Variants in THNSL2 observed in about 807,000 individuals in gnomAD.
THNSL2 encodes the protein threonine synthase like 2.
A neutral mutation model predicts 40.0 loss-of-function variants in THNSL2; 34 were observed. The ratio of observed to expected loss-of-function variants is 0.85; its 90% CI spans 0.65 to 1.13. The LOEUF is 1.13. Among genes scored for constraint, THNSL2 ranks in the 50% most tolerant of loss-of-function variants. The pLI is 0.00. For synonymous variants in THNSL2, 241 were observed against 247.5 expected, an observed-to-expected ratio of 0.97 and a Z score of 0.25; for missense variants, 537 against 608.8, an observed-to-expected ratio of 0.88 and a Z score of 1.24.
rs113997269 is a variant in THNSL2, at chr2:88,171,031, G to A, written c.-13+575G>A. On this transcript the variant is annotated intron_variant, in intron 1 of 8. Coordinates refer to ENST00000674334, the MANE Select transcript of THNSL2 (RefSeq NM_018271.5). ...CTTCTCTACTCTGGAATAGGGTCCA[G>A]AGGAGTGGCAAGGGAAAATTATTAG... 6.0e-3 allele frequency among the ~76,000 whole-genome samples: 917 copies of A among 152,278 alleles called. 3 individuals carry two copies. Among genetic ancestry groups the A allele is most frequent in the Non-Finnish European group, 0.01 (689 of 68,020 alleles).
intron 7 of THNSL2, 61 bp downstream of exon 7, chr2:88,183,134 G>A (rs1677883470): frequency 6.4e-7 from 1 of 1,574,150 alleles, no homozygotes; most frequent in East Asian, 2.3e-5. Flanking sequence ...GCAGACTTGG[G>A]GTTTGGAAGT....
chr2:88,176,351 A>G (rs1676936898), intron 4 of THNSL2: 1 of 152,202 alleles, frequency 6.6e-6, no homozygotes, highest in African/African-American at 2.4e-5. Flanking sequence ...ATAGGGATTG[A>G]GAGTGGAGAA....
rs530167692 is a variant in THNSL2 at position 88,185,431 on chromosome 2, C to T, written c.1181C>T (p.Ala394Val). The change falls in exon 8 of 9, where the codon GCG (alanine) becomes GTG (valine). Residue 394 changes from alanine to valine, a missense_variant. Ala to Val is a moderately conservative substitution (Grantham distance 64). Coordinates refer to ENST00000674334, the MANE Select transcript of THNSL2 (RefSeq NM_018271.5). Reference protein sequence around the residue: ...ENQYLLCPHSAVAVNYHYQQI... With the variant: ...ENQYLLCPHSVVAVNYHYQQI... ...CAGTACTTGCTGTGCCCCCACTCAG[C>T]GGTGGCCGTGAACTACCATTACCAG... 26 of 1,613,780 alleles carry T rather than the reference C, an allele frequency of 1.6e-5. No individual in the cohort carries two copies. The highest frequency in any genetic ancestry group is 8.9e-5 in the East Asian group (4 of 44,854).
At chr2:88,174,507 A>T in intron 2 of THNSL2, 132 bp from the exon 3 acceptor site, 7 of 862,908 alleles carry the variant, frequency 8.1e-6, no homozygotes, top group Non-Finnish European at 1.2e-5. Flanking sequence ...GTATTCAAAA[A>T]TGGTATCATT....
intron 2 of THNSL2, 97 bp downstream of exon 2, chr2:88,173,470 C>A: frequency 1.2e-6 from 1 of 837,802 alleles, no homozygotes; most frequent in Non-Finnish European, 1.6e-6. Flanking sequence ...AGTCTCTAGT[C>A]ACATTTCTTC....
chr2:88,184,349 G>A (rs76164292), intron 7 of THNSL2, among the ~76,000 whole-genome samples: 3,753 of 152,278 alleles, frequency 0.025, 157 homozygotes, highest in African/African-American at 0.086. Flanking sequence ...TGGCATTCAT[G>A]CATTCATGTT....
At chr2:88,179,453 G>C in intron 5 of THNSL2, among the ~76,000 whole-genome samples, 1 of 152,210 alleles carries the variant, frequency 6.6e-6, no homozygotes, top group East Asian at 1.9e-4. Flanking sequence ...CGTGTGAGGT[G>C]GAAAGAGTTC....
Position 88,174,646 on chromosome 2 carries a change from C to G in THNSL2, c.231C>G (p.Ile77Met). ...LLPKDELNDL[I>M]DRAFSRFRHR... is the part of the protein sequence containing the mutation. The stretch of plus-strand genomic sequence containing the variant: ...ACCCCACTACCCTCACAGATCTGAT[C>G]GACCGAGCCTTCAGCAGATTCCGTC... Residue 77 changes from isoleucine (I) to methionine (M), a missense_variant, in exon 3 of 9, where the codon ATC becomes ATG. Physicochemically the swap from Ile to Met is conservative, Grantham distance 10. Transcript: ENST00000674334. The G allele has an allele frequency of 6.2e-7, 1 of 1,613,872 alleles. No homozygotes were observed. The highest frequency in any genetic ancestry group is 1.3e-5 in the African/African-American group (1 of 75,038).
At chr2:88,173,513 A>G in intron 2 of THNSL2, 140 bp downstream of exon 2, 2 of 560,298 alleles carry the variant, frequency 3.6e-6, no homozygotes, top group Non-Finnish European at 5.5e-6. Flanking sequence ...TCCTGACTCT[A>G]GAATCCCAGA....
At position 88,175,326 on chromosome 2, in the gene THNSL2, C is replaced by G; in HGVS notation, c.496C>G (p.Pro166Ala). 1 of 1,614,194 alleles carries G rather than the reference C, an allele frequency of 6.2e-7. No homozygotes were observed. The highest frequency in any genetic ancestry group is 8.5e-7 in the Non-Finnish European group (1 of 1,180,036). The change falls in exon 4 of 9, where the codon CCC becomes GCC. Residue 166 changes from proline (P) to alanine (A), a missense_variant. Pro to Ala is a conservative substitution (Grantham distance 27). Coordinates refer to ENST00000674334, the MANE Select transcript of THNSL2 (RefSeq NM_018271.5). ...GAACATGGACATTATCGTTCTGCTG[C>G]CCAAAGGTCACTGCACAAAGATTCA... is the stretch of plus-strand genomic sequence containing the variant. The part of the protein sequence containing the change: ...AKNMDIIVLL[P>A]KGHCTKIQEL...
intron 1 of THNSL2, chr2:88,171,859 G>T (rs1175915015): frequency 6.6e-6 from 1 of 152,494 alleles, no homozygotes; most frequent in African/African-American, 2.4e-5. Flanking sequence ...AAGATTCATG[G>T]TTTGTATGAT....
intron 1 of THNSL2, 109 bp from the exon 2 acceptor site, chr2:88,173,030 G>A (rs771971961): frequency 3.7e-5 from 23 of 629,878 alleles, no homozygotes; most frequent in East Asian, 3.4e-4. Context: ...CATGTGCCCC[G>A]GAGACTGGTG....
rs749395611 is a variant in THNSL2 at position 88,179,027 on chromosome 2, G to C, written c.802+14G>C. 1.2e-6 allele frequency: 2 copies of C among 1,613,446 alleles called. No homozygotes were observed. The highest frequency in any genetic ancestry group is 2.2e-5 in the East Asian group (1 of 44,892). ...GTAACCTTGCAGGTAAGGAATCCCCGGGGCACAAATGGGCTTTCCAGAAAA... is the reference window on the plus strand; with the variant it reads ...GTAACCTTGCAGGTAAGGAATCCCCCGGGCACAAATGGGCTTTCCAGAAAA... On this transcript the variant is annotated intron_variant, in intron 5 of 8. Transcript: ENST00000674334.
intron 1 of THNSL2, chr2:88,172,836 C>A (rs1676505308): frequency 4.3e-6 from 1 of 233,310 alleles, no homozygotes; most frequent in South Asian, 1.8e-4. Context: ...TCCCCACCGC[C>A]AGGCCTTCTT....
intron 5 of THNSL2, 33 bp downstream of exon 5, chr2:88,179,046 C>T: frequency 1.2e-6 from 2 of 1,606,236 alleles, no homozygotes; most frequent in Non-Finnish European, 1.7e-6. Context: ...ATGGGCTTTC[C>T]AGAAAAATGC....
At chr2:88,175,500 T>TACCC in intron 4 of THNSL2, 99 bp downstream of exon 4, 1 of 1,445,474 alleles carries the variant, frequency 6.9e-7, no homozygotes, top group Non-Finnish European at 9.5e-7. Context: ...GTTGGGTAGC[T>TACCC]GACTGTCCTC....
intron 3 of THNSL2, 135 bp downstream of exon 3, chr2:88,174,968 G>T (rs927057292): frequency 9.0e-6 from 10 of 1,108,038 alleles, no homozygotes; most frequent in Non-Finnish European, 1.3e-5. Flanking sequence ...AACATTTTCT[G>T]GTGCCATAGA....
chr2:88,182,030 G>C (rs529084136), intron 5 of THNSL2, among the ~76,000 whole-genome samples: 3 of 152,260 alleles, frequency 2.0e-5, no homozygotes, highest in African/African-American at 7.2e-5. Flanking sequence ...TAGACATTTG[G>C]ATTGTTTAAC....
At chr2:88,173,968 A>G (rs962720296) in intron 2 of THNSL2, among the ~76,000 whole-genome samples, 10 of 152,346 alleles carry the variant, frequency 6.6e-5, no homozygotes, top group African/African-American at 1.9e-4. Flanking sequence ...AACAAAATCC[A>G]TAATGTAATG....
Sources: gnomAD v4.1 joint callset for allele counts (sites outside exome capture counted in the v4.1 genomes callset) on GRCh38, gnomAD v4.1.1 for gene constraint, MANE v1.5 for transcripts, NCBI Gene and HGNC (gene_info 2026-07-23, HGNC 2026-07-21) for gene names.